Variants in ACKR3 observed in about 807,000 individuals in gnomAD.
ACKR3 encodes the protein atypical chemokine receptor 3.
In ACKR3, 6 loss-of-function variants were observed where a neutral mutation model predicts 22.4. The ratio of observed to expected loss-of-function variants is 0.27; its 90% CI spans 0.15 to 0.53. The LOEUF (loss-of-function observed/expected upper bound fraction) is 0.53, where lower values mean the gene tolerates loss of function less well. Ranked by LOEUF, ACKR3 falls within the 20% of genes least tolerant of loss-of-function variation. The pLI is 0.96. For synonymous variants in ACKR3, 209 were observed against 205.2 expected (o/e 1.02, Z -0.16); for missense variants, 396 against 475.2 (o/e 0.83, Z 1.55).
chr2:236,545,252 C>G, the ACKR3 span, among the ~76,000 whole-genome samples: 2 of 152,212 alleles, frequency 1.3e-5, no homozygotes, highest in African/African-American at 4.8e-5. The surrounding 1 kb of genome is among the most constrained non-coding windows in gnomAD (Gnocchi z 5.3). Flanking sequence ...TCCAGGGGCT[C>G]TGTCGCCCAA....
chr2:236,557,379 C>T, the ACKR3 span, among the ~76,000 whole-genome samples: 1 of 152,026 alleles, frequency 6.6e-6, no homozygotes, highest in African/African-American at 2.4e-5. Context: ...ATCTTGGCTT[C>T]TAAATCTTGT....
intron 1 of ACKR3, among the ~76,000 whole-genome samples, chr2:236,571,045 C>G (rs1485390552): frequency 6.6e-6 from 1 of 152,040 alleles, no homozygotes; most frequent in South Asian, 2.1e-4. Flanking sequence ...TTTTAGTGTC[C>G]CTTTATTTAT....
chr2:236,559,928 T>C, the ACKR3 span, among the ~76,000 whole-genome samples: 18,700 of 152,268 alleles, frequency 0.12, 1,882 homozygotes, highest in African/African-American at 0.28. Flanking sequence ...TCCATTAATA[T>C]AGCTTTATAA....
At chr2:236,544,611 G>GTTCC in the ACKR3 span, among the ~76,000 whole-genome samples, 1 of 152,190 alleles carries the variant, frequency 6.6e-6, no homozygotes, top group Admixed American at 6.5e-5. This position sits in a 1 kb window ranked among gnomAD's most constrained non-coding sequence, Gnocchi z 5.0. Flanking sequence ...CTGAGTCGAT[G>GTTCC]GGAATAGGGA....
upstream of ACKR3, among the ~76,000 whole-genome samples, chr2:236,566,605 C>G (rs555143466): frequency 6.6e-6 from 1 of 152,326 alleles, no homozygotes; most frequent in African/African-American, 2.4e-5. Flanking sequence ...CAGAGCGTCA[C>G]TCTAATCTTT....
At chr2:236,564,556 C>G (rs1691141228), upstream of ACKR3, among the ~76,000 whole-genome samples, 2 of 151,114 alleles carry the variant, frequency 1.3e-5, no homozygotes, top group South Asian at 4.2e-4. Context: ...AGCCAGAAAT[C>G]ATACCCTTGG....
At chr2:236,550,451 A>G in the ACKR3 span, among the ~76,000 whole-genome samples, 1 of 152,214 alleles carries the variant, frequency 6.6e-6, no homozygotes, top group South Asian at 2.1e-4. The surrounding 1 kb of genome is among the most constrained non-coding windows in gnomAD (Gnocchi z 4.6). Context: ...TCGGGCAGTA[A>G]AATACATGCT....
At chr2:236,556,800 T>C in the ACKR3 span, among the ~76,000 whole-genome samples, 4 of 152,232 alleles carry the variant, frequency 2.6e-5, no homozygotes, top group Non-Finnish European at 4.4e-5. Flanking sequence ...GTGATTCTCC[T>C]GCCTCAGCCT....
Position 236,574,009 on chromosome 2 carries a change from T to C in ACKR3, c.-27+4085T>C, listed in dbSNP as rs1052536867. Among the ~76,000 whole-genome samples, 1 of 151,646 alleles carries C rather than the reference T, an allele frequency of 6.6e-6. No individual in the cohort carries two copies. Among genetic ancestry groups the C allele is most frequent in the Non-Finnish European group, 1.5e-5 (1 of 67,962 alleles). ...TGAAGTCCCCCATAAGCCACCAGAG[T>C]AGAAACCCCTCATTTTCCTGCTGAA... is the stretch of plus-strand genomic sequence containing the variant. On this transcript the variant is annotated intron_variant, in intron 1 of 1. Transcript: ENST00000272928. This position sits in a 1 kb window ranked among gnomAD's most constrained non-coding sequence, Gnocchi z 5.6.
chr2:236,549,114 G>A, the ACKR3 span, among the ~76,000 whole-genome samples: 1 of 152,198 alleles, frequency 6.6e-6, no homozygotes, highest in African/African-American at 2.4e-5. The surrounding 1 kb of genome is among the most constrained non-coding windows in gnomAD (Gnocchi z 5.3). Flanking sequence ...TATGAGATAA[G>A]CTCTTCTCAT....
intron 1 of ACKR3, among the ~76,000 whole-genome samples, chr2:236,575,324 T>C (rs1160329486): frequency 6.6e-6 from 1 of 152,210 alleles, no homozygotes; most frequent in East Asian, 1.9e-4. Flanking sequence ...TGCACATGTA[T>C]TTACATATAA....
chr2:236,557,769 C>T, the ACKR3 span, among the ~76,000 whole-genome samples: 1 of 152,296 alleles, frequency 6.6e-6, no homozygotes, highest in Admixed American at 6.5e-5. Flanking sequence ...GTTCCAATCA[C>T]AGCAAACATC....
chr2:236,580,405 C>T (rs1386064458), intron 1 of ACKR3, 35 bp from the exon 2 acceptor site: 1 of 1,554,848 alleles, frequency 6.4e-7, no homozygotes, highest in African/African-American at 1.4e-5. Flanking sequence ...TGACTTTCCT[C>T]TTCCATCTTT....
the ACKR3 span, among the ~76,000 whole-genome samples, chr2:236,545,331 G>T: frequency 6.6e-6 from 1 of 152,176 alleles, no homozygotes; most frequent in Non-Finnish European, 1.5e-5. This position sits in a 1 kb window ranked among gnomAD's most constrained non-coding sequence, Gnocchi z 5.3. Flanking sequence ...CTGGGATCCA[G>T]AGCCCTCCTT....
the ACKR3 span, among the ~76,000 whole-genome samples, chr2:236,545,508 C>T: frequency 6.6e-6 from 1 of 152,174 alleles, no homozygotes; most frequent in African/African-American, 2.4e-5. This position sits in a 1 kb window ranked among gnomAD's most constrained non-coding sequence, Gnocchi z 5.3. Context: ...AGCCAGAGTG[C>T]CACAGGCAGC....
chr2:236,547,124 C>T, the ACKR3 span, among the ~76,000 whole-genome samples: 6 of 152,208 alleles, frequency 3.9e-5, no homozygotes, highest in East Asian at 1.2e-3. Context: ...GTCATGATGA[C>T]AGGTGGTTGT....
chr2:236,579,871 T>C (rs1691484213), intron 1 of ACKR3, among the ~76,000 whole-genome samples: 2 of 152,240 alleles, frequency 1.3e-5, no homozygotes, highest in African/African-American at 4.8e-5. Context: ...GACCCAGGTT[T>C]ATATGTGAAT....
chr2:236,566,806 T>C (rs537276907), upstream of ACKR3, among the ~76,000 whole-genome samples: 4 of 149,712 alleles, frequency 2.7e-5, no homozygotes, highest in South Asian at 8.4e-4. Context: ...GCTTTCTTTC[T>C]TGCTTTCTTT....
At chr2:236,576,381 T>A (rs1382020105) in intron 1 of ACKR3, among the ~76,000 whole-genome samples, 1 of 152,216 alleles carries the variant, frequency 6.6e-6, no homozygotes, top group Non-Finnish European at 1.5e-5. Context: ...CCCCTGCTTT[T>A]GCTTGAGGGG....
Sources: allele counts gnomAD v4.1 joint callset (sites outside exome capture counted in the v4.1 genomes callset), GRCh38; gene constraint gnomAD v4.1.1; non-coding constraint Gnocchi (gnomAD v3.1); transcripts MANE v1.5; gene names NCBI Gene and HGNC (gene_info 2026-07-23, HGNC 2026-07-21).